The following PCDH15 variants were observed in gnomAD, a reference collection of about 807,000 sequenced individuals.
PCDH15 encodes the protein protocadherin-15.
Under a neutral mutation model 178.5 loss-of-function variants are expected in PCDH15, and 129 were observed. The ratio of observed to expected loss-of-function variants is 0.72; its 90% CI spans 0.63 to 0.84. The LOEUF is 0.84. PCDH15 is among the 40% of genes least tolerant of loss of function. The probability of loss-of-function intolerance (pLI) is 0.00; values close to 1 mark genes in which losing one functional copy is unlikely to be tolerated. For synonymous variants in PCDH15, 800 were observed against 732.0 expected (o/e 1.09, Z -1.50); for missense variants, 2,230 against 2,099.9 (o/e 1.06, Z -1.21).
At chr10:54,255,852 A>G (rs773061127) in intron 8 of PCDH15, among the ~76,000 whole-genome samples, 13 of 152,180 alleles carry the variant, frequency 8.5e-5, no homozygotes, top group East Asian at 1.9e-4. Flanking sequence ...CCAGGCATCT[A>G]TGAAAATGCG....
intron 2 of PCDH15, among the ~76,000 whole-genome samples, chr10:55,572,377 C>T (rs753552403): frequency 2.6e-5 from 4 of 151,272 alleles, no homozygotes; most frequent in African/African-American, 4.8e-5. Flanking sequence ...GAAACTAATA[C>T]AAGGATTTAG....
At chr10:55,320,809 G>T (rs1418972900), upstream of PCDH15, among the ~76,000 whole-genome samples, 1 of 152,098 alleles carries the variant, frequency 6.6e-6, no homozygotes, top group Non-Finnish European at 1.5e-5. Flanking sequence ...AAGACTGAAG[G>T]AATATCAGCA....
intron 1 of PCDH15, among the ~76,000 whole-genome samples, chr10:54,727,388 A>G (rs1942715142): frequency 6.6e-6 from 1 of 151,574 alleles, no homozygotes; most frequent in East Asian, 1.9e-4. Flanking sequence ...AAAACAAGAA[A>G]TTATTTGAAA....
intron 2 of PCDH15, among the ~76,000 whole-genome samples, chr10:54,642,513 A>G (rs2094014849): frequency 6.6e-6 from 1 of 152,194 alleles, no homozygotes; most frequent in African/African-American, 2.4e-5. Flanking sequence ...TCTAGCAGAT[A>G]GTAGAGACCT....
chr10:53,997,626 T>C (rs191081330), intron 20 of PCDH15, among the ~76,000 whole-genome samples: 3 of 152,330 alleles, frequency 2.0e-5, no homozygotes, highest in South Asian at 2.1e-4. Context: ...AAAATGTATA[T>C]ACTTTTCCAA....
At chr10:54,516,435 A>G (rs7075545) in intron 3 of PCDH15, among the ~76,000 whole-genome samples, 1 of 151,436 alleles carries the variant, frequency 6.6e-6, no homozygotes, top group African/African-American at 2.4e-5. Context: ...GGAGCCGATG[A>G]GATCAACTGG....
chr10:54,247,847 G>A lies in PCDH15; in HGVS notation c.877-10916C>T, dbSNP rs2056110628. Among the ~76,000 whole-genome samples the A allele has an allele frequency of 2.7e-5, 4 of 147,852 alleles. No individual in the cohort carries two copies. The South Asian group carries it at 8.5e-4, about 31-fold the overall frequency. On this transcript the variant is annotated intron_variant, in intron 8 of 37. Coordinates refer to ENST00000644397, the MANE Select transcript of PCDH15 (RefSeq NM_001384140.1). ...TGCACCACTGCACTCCAGCCTGGGT[G>A]ACAGAGCAAGACTCTTTCTCAAAAA... is the stretch of plus-strand genomic sequence containing the variant.
At chr10:54,973,754 T>C (rs1041553420) in intron 2 of PCDH15, among the ~76,000 whole-genome samples, 2 of 152,130 alleles carry the variant, frequency 1.3e-5, no homozygotes, top group African/African-American at 4.8e-5. Context: ...GAGTTGAAGC[T>C]AGATCTGGAA....
chr10:55,559,090 A>C (rs1564453861), intron 2 of PCDH15, among the ~76,000 whole-genome samples: 1 of 151,950 alleles, frequency 6.6e-6, no homozygotes, highest in Non-Finnish European at 1.5e-5. Context: ...AGGTGTTATA[A>C]CAGTATTTCA....
intron 15 of PCDH15, among the ~76,000 whole-genome samples, chr10:54,090,607 G>A (rs2094584118): frequency 6.9e-6 from 1 of 145,336 alleles, no homozygotes. Context: ...TCATGCCACT[G>A]CACTCCAGCC....
chr10:53,907,847 G>A (rs897232884), intron 25 of PCDH15, among the ~76,000 whole-genome samples: 3 of 152,196 alleles, frequency 2.0e-5, no homozygotes, highest in Non-Finnish European at 4.4e-5. Flanking sequence ...AAGGAGTTCA[G>A]AAGAGTGATT....
At chr10:54,853,244 G>A (rs1953660480) in intron 3 of PCDH15, among the ~76,000 whole-genome samples, 1 of 147,396 alleles carries the variant, frequency 6.8e-6, no homozygotes, top group Non-Finnish European at 1.5e-5. Flanking sequence ...TGGGCAACAA[G>A]AGCTAAACTC....
chr10:55,416,658 C>T (rs1472219155), intron 2 of PCDH15, among the ~76,000 whole-genome samples: 4 of 151,514 alleles, frequency 2.6e-5, no homozygotes, highest in African/African-American at 7.3e-5. Context: ...AGGAGGGCCT[C>T]GTAGAGGTGG....
At chr10:55,249,133 T>C (rs1290261767) in intron 1 of PCDH15, among the ~76,000 whole-genome samples, 1 of 152,098 alleles carries the variant, frequency 6.6e-6, no homozygotes, top group Non-Finnish European at 1.5e-5. Context: ...TCCGTATATA[T>C]GAAACTTTAT....
chr10:54,863,874 C>A (rs1458704562), intron 3 of PCDH15, among the ~76,000 whole-genome samples: 2 of 152,076 alleles, frequency 1.3e-5, no homozygotes, highest in African/African-American at 4.8e-5. Flanking sequence ...GTGATAATTC[C>A]TTAGCTATAG....
At chr10:54,335,266 T>G (rs1162147738) in intron 6 of PCDH15, among the ~76,000 whole-genome samples, 1 of 152,220 alleles carries the variant, frequency 6.6e-6, no homozygotes, top group African/African-American at 2.4e-5. Context: ...AACATGTCCC[T>G]GGCTGACAGA....
chr10:54,295,961 G>A (rs957016443), intron 8 of PCDH15, among the ~76,000 whole-genome samples: 96 of 150,352 alleles, frequency 6.4e-4, no homozygotes, highest in South Asian at 1.0e-3. Context: ...CGGCTAAAAT[G>A]GTGAAACCCC....
chr10:54,676,888 T>A (rs1334639357), intron 1 of PCDH15, among the ~76,000 whole-genome samples: 1 of 152,122 alleles, frequency 6.6e-6, no homozygotes, highest in Non-Finnish European at 1.5e-5. Flanking sequence ...CTTTTGTGGA[T>A]GAAAGGAAGT....
intron 20 of PCDH15, among the ~76,000 whole-genome samples, chr10:53,997,452 G>T (rs1426838316): frequency 3.3e-5 from 5 of 152,034 alleles, no homozygotes; most frequent in Non-Finnish European, 1.5e-5. Flanking sequence ...AACTTCTGAA[G>T]GTTCGAAAGG....
Sources: allele counts gnomAD v4.1 joint callset (sites outside exome capture counted in the v4.1 genomes callset), GRCh38; gene constraint gnomAD v4.1.1; transcripts MANE v1.5; gene names NCBI Gene and HGNC (gene_info 2026-07-23, HGNC 2026-07-21).